The following OPCML variants were observed in gnomAD, a reference collection of about 807,000 sequenced individuals.
The protein encoded by OPCML is opioid-binding protein/cell adhesion molecule.
A neutral mutation model predicts 37.8 loss-of-function variants in OPCML; 13 were observed. That is an observed-to-expected ratio of 0.34 (90% CI 0.22 to 0.55). The LOEUF (loss-of-function observed/expected upper bound fraction) is 0.55. Among genes scored for constraint, OPCML ranks in the 20% least tolerant of loss-of-function variants. The pLI is 0.91. For synonymous variants in OPCML, 176 were observed against 168.8 expected, an observed-to-expected ratio of 1.04 and a Z score of -0.33; for missense variants, 341 against 435.6, an observed-to-expected ratio of 0.78 and a Z score of 1.93.
intron 1 of OPCML, among the ~76,000 whole-genome samples, chr11:133,155,857 C>A (rs1465036534): frequency 4.6e-5 from 7 of 152,148 alleles, no homozygotes; most frequent in Non-Finnish European, 8.8e-5. Context: ...GGGGACCATC[C>A]CTGCTCACCT....
intron 1 of OPCML, among the ~76,000 whole-genome samples, chr11:133,260,402 G>T (rs1211831219): frequency 6.6e-6 from 1 of 152,130 alleles, no homozygotes; most frequent in Non-Finnish European, 1.5e-5. Flanking sequence ...GGACCAGGGG[G>T]CTATTGCAGA....
chr11:132,582,452 C>T (rs2096464093), intron 3 of OPCML, among the ~76,000 whole-genome samples: 1 of 151,988 alleles, frequency 6.6e-6, no homozygotes, highest in African/African-American at 2.4e-5. Flanking sequence ...ATGCAAACAA[C>T]AGCAACAATA....
At chr11:132,615,960 C>T (rs935820203) in intron 3 of OPCML, among the ~76,000 whole-genome samples, 46 of 152,134 alleles carry the variant, frequency 3.0e-4, no homozygotes, top group African/African-American at 8.0e-4. Context: ...AGTGAAAGGA[C>T]GGAGAGCCAA....
At chr11:132,832,235 CTTTTA>C (rs72177867) in intron 2 of OPCML, among the ~76,000 whole-genome samples, 10,287 of 115,974 alleles carry the variant, frequency 0.089, 393 homozygotes, top group Middle Eastern at 0.11. Flanking sequence ...TTTTTTTTTG[CTTTTA>C]TTTTAATGAA....
intron 1 of OPCML, among the ~76,000 whole-genome samples, chr11:133,054,917 T>C (rs1443359675): frequency 6.6e-6 from 1 of 151,168 alleles, no homozygotes; most frequent in Non-Finnish European, 1.5e-5. Flanking sequence ...GAGCCGCCTC[T>C]ACCATATAAT....
chr11:132,730,533 A>T (rs1290443615), intron 2 of OPCML, among the ~76,000 whole-genome samples: 1 of 152,186 alleles, frequency 6.6e-6, no homozygotes, highest in Non-Finnish European at 1.5e-5. Context: ...AAATGTGGTG[A>T]TGGAACTCAG....
intron 3 of OPCML, among the ~76,000 whole-genome samples, chr11:132,627,365 G>A (rs940362665): frequency 1.3e-5 from 2 of 152,112 alleles, no homozygotes; most frequent in African/African-American, 4.8e-5. Context: ...GGGTGTTTTA[G>A]CCATAATTCC....
intron 2 of OPCML, among the ~76,000 whole-genome samples, chr11:132,729,583 C>T (rs1591527398): frequency 6.6e-6 from 1 of 152,294 alleles, no homozygotes; most frequent in South Asian, 2.1e-4. Context: ...TCAGCAGCCA[C>T]AGTTTAATCA....
chr11:132,423,840 C>G (rs949757137), intron 7 of OPCML, among the ~76,000 whole-genome samples: 2 of 152,130 alleles, frequency 1.3e-5, no homozygotes, highest in Admixed American at 6.5e-5. Context: ...ACCTGTGTGA[C>G]AGGGGAGGAC....
chr11:132,510,781 C>A (rs1423368896), intron 4 of OPCML, among the ~76,000 whole-genome samples: 2 of 152,110 alleles, frequency 1.3e-5, no homozygotes, highest in African/African-American at 2.4e-5. Context: ...GACTAATAAA[C>A]ACACATACAC....
chr11:132,668,825 G>A (rs770583554), intron 2 of OPCML, among the ~76,000 whole-genome samples: 5 of 151,958 alleles, frequency 3.3e-5, no homozygotes, highest in South Asian at 2.1e-4. Flanking sequence ...ATAGATTCTC[G>A]TACTTCTAGT....
chr11:133,439,824 C>T lies in OPCML; in HGVS notation c.61+92440G>A, dbSNP rs183524106. 1.6e-4 allele frequency among the ~76,000 whole-genome samples: 25 copies of T among 151,998 alleles called. No individual in the cohort carries two copies. In the East Asian group the frequency reaches 3.7e-3, roughly 22 times the overall value. ...GGAGCACTTTTCTTTCTCTAAGATTCCTAAATAAAATATGAGCAAGTCCAA... is the reference window on the plus strand; with the variant it reads ...GGAGCACTTTTCTTTCTCTAAGATTTCTAAATAAAATATGAGCAAGTCCAA... On this transcript the variant is annotated intron_variant, in intron 1 of 7. Coordinates refer to ENST00000524381, the MANE Select transcript of OPCML (RefSeq NM_001012393.5).
chr11:132,936,702 T>C (rs2136651938), intron 2 of OPCML, among the ~76,000 whole-genome samples: 1 of 152,212 alleles, frequency 6.6e-6, no homozygotes, highest in Non-Finnish European at 1.5e-5. Flanking sequence ...ATATCACAGC[T>C]TCAATGTTCA....
intron 1 of OPCML, among the ~76,000 whole-genome samples, chr11:133,482,722 T>C (rs1947404968): frequency 6.6e-6 from 1 of 152,064 alleles, no homozygotes; most frequent in Non-Finnish European, 1.5e-5. Context: ...ACTAGCTTAT[T>C]ATATGGAGAA....
intron 1 of OPCML, among the ~76,000 whole-genome samples, chr11:133,527,274 C>G (rs1209988066): frequency 1.3e-5 from 2 of 152,158 alleles, no homozygotes; most frequent in African/African-American, 4.8e-5. Context: ...ACCAAAGGTG[C>G]CATGTCTGTT....
Position 132,878,010 on chromosome 11 carries a change from G to A in OPCML, c.146+64916C>T, listed in dbSNP as rs145596950. Among the ~76,000 whole-genome samples the A allele has an allele frequency of 7.2e-5, 11 of 152,132 alleles. No individual in the cohort carries two copies. The East Asian group carries it at 7.7e-4, about 11-fold the overall frequency. ...ATCCTGGCTAACATGGTGAAACCCC[G>A]TCTCTACTAAAAATACAACAAATTA... On this transcript the variant is annotated intron_variant, in intron 2 of 7. Transcript: ENST00000524381.
intron 3 of OPCML, among the ~76,000 whole-genome samples, chr11:132,543,585 C>A (rs145029882): frequency 2.4e-4 from 36 of 151,776 alleles, no homozygotes; most frequent in African/African-American, 8.5e-4. Context: ...TTTAGTATTT[C>A]CACTAAAAAA....
intron 1 of OPCML, among the ~76,000 whole-genome samples, chr11:132,945,015 GAGA>G (rs1223160459): frequency 6.6e-6 from 1 of 152,220 alleles, no homozygotes; most frequent in Non-Finnish European, 1.5e-5. Flanking sequence ...TCAGTTCTGA[GAGA>G]AGGAGCACAA....
At chr11:133,099,597 A>T (rs1949057499) in intron 1 of OPCML, among the ~76,000 whole-genome samples, 1 of 151,810 alleles carries the variant, frequency 6.6e-6, no homozygotes, top group African/African-American at 2.4e-5. Context: ...TGATTTTTTA[A>T]TAACAGCCAT....
Sources: allele counts gnomAD v4.1 joint callset (sites outside exome capture counted in the v4.1 genomes callset), GRCh38; gene constraint gnomAD v4.1.1; transcripts MANE v1.5; gene names NCBI Gene and HGNC (gene_info 2026-07-23, HGNC 2026-07-21).